BAZ2B: variants seen among roughly 807,000 people sequenced by gnomAD.
BAZ2B encodes bromodomain adjacent to zinc finger domain protein 2B.
A neutral mutation model predicts 246.0 loss-of-function variants in BAZ2B; 91 were observed. That is an observed-to-expected ratio of 0.37 (90% CI 0.31 to 0.44). The LOEUF (loss-of-function observed/expected upper bound fraction) is 0.44. Among genes scored for constraint, BAZ2B ranks in the 20% least tolerant of loss-of-function variants. BAZ2B has a pLI of 1.00. For synonymous variants in BAZ2B, 855 were observed against 860.0 expected, an observed-to-expected ratio of 0.99 and a Z score of 0.10; for missense variants, 2,332 against 2,533.7, an observed-to-expected ratio of 0.92 and a Z score of 1.71.
chr2:159,682,913 C>CG, the BAZ2B span, among the ~76,000 whole-genome samples: 8 of 125,656 alleles, frequency 6.4e-5, no homozygotes, highest in African/African-American at 1.8e-4. Context: ...CACCCCTCCC[C>CG]CCCCCCACAC....
intron 2 of BAZ2B, among the ~76,000 whole-genome samples, chr2:159,502,199 G>C (rs2113859): frequency 0.52 from 79,176 of 151,770 alleles, 21,097 homozygotes; most frequent in Non-Finnish European, 0.58. Flanking sequence ...TATTGGGTCT[G>C]TTTGGGGGAT....
chr2:159,557,220 ATTT>A (rs369943226), intron 1 of BAZ2B, among the ~76,000 whole-genome samples: 19 of 124,108 alleles, frequency 1.5e-4, no homozygotes, highest in South Asian at 5.2e-4. Flanking sequence ...TGGCTAATTA[ATTT>A]TTTTTTTTTT....
rs2062476848 is a variant in BAZ2B, at chr2:159,319,653, T to A, written c.*612A>T. ...TGATGCAGCAACATATATATATAAA[T>A]GTACTTGTAACTCTACAGTAAAGTT... is the stretch of plus-strand genomic sequence containing the variant. On this transcript the variant is annotated 3_prime_UTR_variant, in exon 37 of 37. Transcript: ENST00000392783. This position sits in a 1 kb window ranked among gnomAD's most constrained non-coding sequence, Gnocchi z 4.0. 6.6e-6 allele frequency: 1 copy of A among 152,640 alleles called. No homozygotes were observed. 9.5% of individuals were successfully genotyped at this position (152,640 alleles called of 1,614,324 possible).
chr2:159,526,777 G>T (rs918959940), intron 2 of BAZ2B, among the ~76,000 whole-genome samples: 1 of 152,118 alleles, frequency 6.6e-6, no homozygotes, highest in Admixed American at 6.5e-5. Flanking sequence ...GAAGTTTTAG[G>T]TTTAGTAAGG....
At chr2:159,418,558 C>CTTT (rs908383088) in intron 13 of BAZ2B, among the ~76,000 whole-genome samples, 4 of 151,562 alleles carry the variant, frequency 2.6e-5, no homozygotes, top group African/African-American at 9.7e-5. Context: ...CCTGGCTTGA[C>CTTT]TTTTTCTTTT....
At chr2:159,580,666 T>C (rs986788042) in intron 1 of BAZ2B, among the ~76,000 whole-genome samples, 7 of 152,180 alleles carry the variant, frequency 4.6e-5, no homozygotes, top group African/African-American at 1.7e-4. Flanking sequence ...CTTCAAACTA[T>C]ACTGCAAGGC....
chr2:159,462,683 A>C (rs2076557196), intron 3 of BAZ2B: 1 of 1,271,534 alleles, frequency 7.9e-7, no homozygotes, highest in Non-Finnish European at 1.2e-6. Flanking sequence ...AATCTTAAGC[A>C]CTCCAACCAC....
At chr2:159,495,159 T>C (rs1577747936) in intron 2 of BAZ2B, among the ~76,000 whole-genome samples, 1 of 152,322 alleles carries the variant, frequency 6.6e-6, no homozygotes, top group East Asian at 1.9e-4. Context: ...TTAAAAGTTA[T>C]GCATTTTCTC....
At chr2:159,709,645 C>T in the BAZ2B span, among the ~76,000 whole-genome samples, 2 of 152,134 alleles carry the variant, frequency 1.3e-5, no homozygotes, top group African/African-American at 4.8e-5. Context: ...TTTTCAATGT[C>T]CCACCATTTA....
At chr2:159,315,563 A>T (rs1333188714), downstream of BAZ2B, among the ~76,000 whole-genome samples, 12 of 152,238 alleles carry the variant, frequency 7.9e-5, no homozygotes, top group South Asian at 2.1e-4. Context: ...AAGCATCCTC[A>T]TAACATAATG....
intron 27 of BAZ2B, among the ~76,000 whole-genome samples, chr2:159,366,199 C>T (rs750875): frequency 0.62 from 93,697 of 151,442 alleles, 31,507 homozygotes; most frequent in Non-Finnish European, 0.78. Context: ...GATCCATGCC[C>T]CACATTAGGA....
Position 159,515,562 on chromosome 2 carries a change from T to C in BAZ2B, c.-2-36841A>G, listed in dbSNP as rs1275176255. On this transcript the variant is annotated intron_variant, in intron 2 of 36. Transcript: ENST00000392783. ...GTCAGTTCTCCATTTTATAAAATACTTGTGAAATTCATTTCCTTTGTAGTT... is the reference window on the plus strand; with the variant it reads ...GTCAGTTCTCCATTTTATAAAATACCTGTGAAATTCATTTCCTTTGTAGTT... Among the ~76,000 whole-genome samples the C allele has an allele frequency of 3.9e-5, 6 of 152,242 alleles. No homozygotes were observed. The East Asian group carries it at 1.2e-3, about 29-fold the overall frequency.
At chr2:159,627,030 C>T in the BAZ2B span, among the ~76,000 whole-genome samples, 1 of 152,126 alleles carries the variant, frequency 6.6e-6, no homozygotes, top group Non-Finnish European at 1.5e-5. Context: ...TCAGAGAACA[C>T]TATAAACACC....
At chr2:159,583,128 T>TTTTTG (rs1687228750) in intron 1 of BAZ2B, among the ~76,000 whole-genome samples, 1 of 122,894 alleles carries the variant, frequency 8.1e-6, no homozygotes. Flanking sequence ...TTTTTTTTTT[T>TTTTTG]GTTGAGACGG....
chr2:159,488,801 T>C (rs562819071), intron 2 of BAZ2B, among the ~76,000 whole-genome samples: 1 of 152,218 alleles, frequency 6.6e-6, no homozygotes, highest in African/African-American at 2.4e-5. Context: ...TTTACAGAGG[T>C]AAAATCTATC....
intron 2 of BAZ2B, among the ~76,000 whole-genome samples, chr2:159,539,845 CT>C (rs1479361014): frequency 6.6e-6 from 1 of 152,198 alleles, no homozygotes; most frequent in African/African-American, 2.4e-5. Context: ...TCCAGCCTCA[CT>C]GGCACTGTGA....
the BAZ2B span, among the ~76,000 whole-genome samples, chr2:159,630,014 A>T: frequency 6.6e-6 from 1 of 152,110 alleles, no homozygotes; most frequent in Non-Finnish European, 1.5e-5. Context: ...TAAAACCTTT[A>T]AAAAAACATG....
intron 8 of BAZ2B, 55 bp from the exon 9 acceptor site, chr2:159,433,418 C>A: frequency 6.7e-7 from 1 of 1,485,044 alleles, no homozygotes; most frequent in Non-Finnish European, 9.1e-7. Flanking sequence ...ACAAAGATTG[C>A]TTTTATTTGC....
the BAZ2B span, among the ~76,000 whole-genome samples, chr2:159,705,575 C>G: frequency 6.6e-6 from 1 of 152,068 alleles, no homozygotes; most frequent in African/African-American, 2.4e-5. Context: ...ATTGGTCTTT[C>G]TAATTACAGA....
Sources: gnomAD v4.1 joint callset for allele counts (sites outside exome capture counted in the v4.1 genomes callset) on GRCh38, gnomAD v4.1.1 for gene constraint, Gnocchi (gnomAD v3.1) non-coding constraint, MANE v1.5 for transcripts, NCBI Gene and HGNC (gene_info 2026-07-23, HGNC 2026-07-21) for gene names.